The following LPIN1 variants were observed in gnomAD, a reference collection of about 807,000 sequenced individuals.
The protein encoded by LPIN1 is phosphatidate phosphatase LPIN1.
In LPIN1, 71 loss-of-function variants were observed where a neutral mutation model predicts 107.5. The observed-to-expected ratio is 0.66, with a 90% CI of 0.55 to 0.80. The LOEUF is 0.80. Among genes scored for constraint, LPIN1 ranks in the 30% least tolerant of loss-of-function variants. The pLI, the probability that LPIN1 is intolerant of heterozygous loss-of-function variation, is 0.00. For synonymous variants in LPIN1, 445 were observed against 452.6 expected (o/e 0.98, Z 0.21); for missense variants, 1,043 against 1,160.6 (o/e 0.90, Z 1.47).
At chr2:11,719,838 AG>A (rs1664004660), upstream of LPIN1, among the ~76,000 whole-genome samples, 1 of 142,116 alleles carries the variant, frequency 7.0e-6, no homozygotes, top group South Asian at 2.2e-4. Context: ...GGCATGGATT[AG>A]CGACAGGCAC....
chr2:11,678,152 T>C (rs1019564991), intron 1 of LPIN1, among the ~76,000 whole-genome samples: 4 of 152,180 alleles, frequency 2.6e-5, no homozygotes, highest in Admixed American at 1.3e-4. Flanking sequence ...AATGTGGTCA[T>C]TTAACCAGTG....
At chr2:11,800,948 C>T (rs754037581) in intron 14 of LPIN1, among the ~76,000 whole-genome samples, 4 of 152,154 alleles carry the variant, frequency 2.6e-5, no homozygotes, top group African/African-American at 7.2e-5. Context: ...GTTGTCTCTT[C>T]GCTCTGTTGA....
chr2:11,728,591 G>T (rs1664889112), intron 1 of LPIN1, among the ~76,000 whole-genome samples: 1 of 152,056 alleles, frequency 6.6e-6, no homozygotes, highest in African/African-American at 2.4e-5. Flanking sequence ...TCACCATGTT[G>T]CCCAGGCTGG....
At chr2:11,680,089 C>T (rs573701755) in intron 1 of LPIN1, among the ~76,000 whole-genome samples, 1 of 152,252 alleles carries the variant, frequency 6.6e-6, no homozygotes, top group South Asian at 2.1e-4. Flanking sequence ...TCAGGCAGGC[C>T]CCCGATGGAC....
chr2:11,717,176 A>C (rs1363740302), intron 2 of LPIN1, among the ~76,000 whole-genome samples: 1 of 152,200 alleles, frequency 6.6e-6, no homozygotes, highest in African/African-American at 2.4e-5. Context: ...ACTGGGAAAT[A>C]CTGGCTCACA....
At chr2:11,709,427 G>A (rs978019433) in intron 1 of LPIN1, among the ~76,000 whole-genome samples, 1 of 152,194 alleles carries the variant, frequency 6.6e-6, no homozygotes, top group African/African-American at 2.4e-5. Flanking sequence ...CGACACCAGC[G>A]CTAAAGCCTG....
At chr2:11,713,792 G>A (rs993645656) in exon 2 of LPIN1, 73 of 1,522,920 alleles carry the variant, frequency 4.8e-5, no homozygotes, top group Non-Finnish European at 5.7e-5. Flanking sequence ...GATTCGAAAT[G>A]TATGGTCTTC....
chr2:11,728,026 AC>A (rs1490437659), intron 1 of LPIN1, among the ~76,000 whole-genome samples: 1 of 152,132 alleles, frequency 6.6e-6, no homozygotes, highest in African/African-American at 2.4e-5. Flanking sequence ...TGCCAGAGTC[AC>A]TTAGGCCAGC....
Position 11,753,491 on chromosome 2 carries a change from T to A in LPIN1, c.-10+6820T>A, listed in dbSNP as rs115414528. Among the ~76,000 whole-genome samples the A allele has an allele frequency of 3.9e-3, 601 of 152,312 alleles. 5 individuals carry two copies. The highest frequency in any genetic ancestry group is 0.014 in the African/African-American group (583 of 41,568). ...TCAAGGCACTCTGGCCAGGACAGTT[T>A]AACCACAGGGACGCTGGTGGACTCA... On this transcript the variant is annotated intron_variant, in intron 1 of 20. Coordinates refer to ENST00000674199, the MANE Select transcript of LPIN1 (RefSeq NM_001349206.2).
chr2:11,816,987 A>C (rs559260476), intron 18 of LPIN1: 1 of 150,916 alleles, frequency 6.6e-6, no homozygotes, highest in Non-Finnish European at 1.5e-5. Flanking sequence ...TCATTGTTCA[A>C]CTCCCACTTA....
At chr2:11,773,589 T>C (rs1416408166) in intron 4 of LPIN1, 31 bp from the exon 5 acceptor site, 6 of 1,594,030 alleles carry the variant, frequency 3.8e-6, no homozygotes, top group African/African-American at 1.3e-5. Flanking sequence ...TTAAGAATTC[T>C]TTGACTTTAA....
At chr2:11,702,380 G>A (rs896992929) in intron 1 of LPIN1, among the ~76,000 whole-genome samples, 6 of 152,166 alleles carry the variant, frequency 3.9e-5, no homozygotes, top group Non-Finnish European at 7.3e-5. Context: ...AGAGGGTGAC[G>A]TCCTGACAAA....
At position 11,776,082 on chromosome 2, in the gene LPIN1, C is replaced by G; in HGVS notation, c.723-4C>G. 3.3e-6 allele frequency: 5 copies of G among 1,536,460 alleles called. No individual in the cohort carries two copies. The highest frequency in any genetic ancestry group is 4.4e-6 in the Non-Finnish European group (5 of 1,135,686). On this transcript the variant is annotated splice_region_variant and splice_polypyrimidine_tract_variant and intron_variant, in intron 5 of 20. Transcript: ENST00000674199. ...TTTAATGTGTATCACGTGGTGGTATCCAGTAGCCTGGTAGATTGCAAAAGG... is the reference window on the plus strand; with the variant it reads ...TTTAATGTGTATCACGTGGTGGTATGCAGTAGCCTGGTAGATTGCAAAAGG...
intron 1 of LPIN1, among the ~76,000 whole-genome samples, chr2:11,681,231 C>G (rs984379871): frequency 1.3e-5 from 2 of 152,186 alleles, no homozygotes; most frequent in African/African-American, 4.8e-5. Context: ...CAAGGCCCCT[C>G]AAAGGCTGGC....
intron 1 of LPIN1, among the ~76,000 whole-genome samples, chr2:11,764,761 C>T (rs753412136): frequency 9.2e-5 from 14 of 152,216 alleles, no homozygotes; most frequent in Admixed American, 2.0e-4. Flanking sequence ...ATGATTGGCA[C>T]GATGGGGGAT....
intron 1 of LPIN1, among the ~76,000 whole-genome samples, chr2:11,753,749 A>G (rs1393387905): frequency 1.3e-5 from 2 of 152,256 alleles, no homozygotes; most frequent in African/African-American, 2.4e-5. Context: ...CCGTAAGTGT[A>G]AATTACAGGA....
At chr2:11,764,133 T>C (rs1209793045) in intron 1 of LPIN1, 2 of 146,514 alleles carry the variant, frequency 1.4e-5, no homozygotes, top group Admixed American at 6.8e-5. Context: ...GACTAAAATA[T>C]ATGTAAGTGT....
intron 7 of LPIN1, 146 bp from the exon 8 acceptor site, chr2:11,782,055 A>C: frequency 1.5e-6 from 1 of 671,600 alleles, no homozygotes; most frequent in Non-Finnish European, 2.6e-6. Context: ...ACTTTTTGGC[A>C]GGTATAGAAA....
intron 18 of LPIN1, chr2:11,817,031 C>T (rs552402384): frequency 4.6e-5 from 7 of 151,808 alleles, no homozygotes; most frequent in Admixed American, 1.3e-4. Flanking sequence ...GTTTTCTGTT[C>T]CTCTGTTAGT....
Sources: gnomAD v4.1 joint callset for allele counts (sites outside exome capture counted in the v4.1 genomes callset) on GRCh38, gnomAD v4.1.1 for gene constraint, MANE v1.5 for transcripts, NCBI Gene and HGNC (gene_info 2026-07-23, HGNC 2026-07-21) for gene names.